KRT12: variants seen among roughly 807,000 people sequenced by gnomAD.
KRT12 encodes the protein keratin, type I cytoskeletal 12.
KRT12 carries 43 observed loss-of-function variants against 50.2 expected under a neutral mutation model. The ratio of observed to expected loss-of-function variants is 0.86; its 90% confidence interval spans 0.67 to 1.11. The LOEUF (loss-of-function observed/expected upper bound fraction) is 1.11, where lower values mean the gene tolerates loss of function less well. Among genes scored for constraint, KRT12 ranks in the 50% least tolerant of loss-of-function variants. The pLI is 0.00. For synonymous variants in KRT12, 257 were observed against 253.6 expected, an observed-to-expected ratio of 1.01 and a Z score of -0.13; for missense variants, 588 against 625.6, an observed-to-expected ratio of 0.94 and a Z score of 0.64.
chr17:40,864,830 G>A lies in KRT12; in HGVS notation c.783C>T (p.Ala261=). 6.2e-7 allele frequency: 1 copy of A among 1,614,156 alleles called. No individual in the cohort carries two copies. Among genetic ancestry groups the A allele is most frequent in the Non-Finnish European group, 8.5e-7 (1 of 1,180,038 alleles). ...MQIESLNEEL[A]YMKKNHEDEL... ...CATCCTCGTGGTTCTTCTTCATGTA[G>A]GCCAGCTCCTCGTTCAGGCTCTCGA... Residue 261 remains alanine, a synonymous_variant, in exon 3 of 8, where the codon GCC becomes GCT. Coordinates refer to ENST00000251643, the MANE Select transcript of KRT12 (RefSeq NM_000223.4).
rs1906857981 is a variant in KRT12 at position 40,863,012 on chromosome 17, CTTGTG to C, written c.1316+106_1316+110del. 5 of 928,006 alleles carry C rather than the reference CTTGTG, an allele frequency of 5.4e-6. No individual in the cohort carries two copies. Among genetic ancestry groups the C allele is most frequent in the South Asian group, 1.4e-5 (1 of 73,194 alleles). The allele number at this position is 928,006 out of a possible 1,614,324, so 57.5% of individuals were successfully genotyped here. ...AAATCCCAGGCATATCTTTACTAGA[CTTGTG>C]TTTGTTTGTTTGCTTTTCTGTCAAC... On this transcript the variant is annotated intron_variant, in intron 6 of 7. Coordinates refer to ENST00000251643, the MANE Select transcript of KRT12 (RefSeq NM_000223.4). This position sits in a 1 kb window ranked among gnomAD's most constrained non-coding sequence, Gnocchi z 4.2.
At position 40,863,710 on chromosome 17, in the gene KRT12, A is replaced by T. The variant is rs780659576; in HGVS notation, c.962T>A (p.Ile321Asn). The T allele has an allele frequency of 6.2e-7, 1 of 1,614,024 alleles. No individual in the cohort carries two copies. The highest frequency in any genetic ancestry group is 1.7e-5 in the Admixed American group (1 of 60,030). The change falls in exon 4 of 8, where the codon ATT becomes AAT. Residue 321 changes from isoleucine (I) to asparagine (N), a missense_variant. Transcript: ENST00000251643. The surrounding 1 kb of genome is among the most constrained non-coding windows in gnomAD (Gnocchi z 4.2). ...CTTTGTTGTTTGTGTTACCTTTTCA[A>T]TGAACCAGGCTTCAGCGTCCTTCCG... ...QNRKDAEAWF[I>N]EKSGELRKEI...
Position 40,867,074 on chromosome 17 carries a change from A to G in KRT12, c.113T>C (p.Val38Ala). Residue 38 changes from valine to alanine, a missense_variant, in exon 1 of 8, where the codon GTT (valine) becomes GCT (alanine). Val to Ala is a moderately conservative substitution (Grantham distance 64). Transcript: ENST00000251643. Reference sequence around the variant, plus strand: ...GGCACTTCCCCCATAACCACTTCCAACACTGGAAGCAGACATGCCCCTGGG... The same window carrying G: ...GGCACTTCCCCCATAACCACTTCCAGCACTGGAAGCAGACATGCCCCTGGG... The part of the protein sequence containing the change: ...GRPRGMSASS[V>A]GSGYGGSAFG... The G allele has an allele frequency of 6.2e-7, 1 of 1,613,402 alleles. No individual in the cohort carries two copies. The highest frequency in any genetic ancestry group is 8.5e-7 in the Non-Finnish European group (1 of 1,179,554).
intron 3 of KRT12, among the ~76,000 whole-genome samples, chr17:40,864,216 A>G (rs544356941): frequency 1.3e-5 from 2 of 152,172 alleles, no homozygotes; most frequent in African/African-American, 4.8e-5. Context: ...ACGTGAAAGG[A>G]GGCCTGGCGT....
Position 40,863,592 on chromosome 17 carries a change from C to A in KRT12, c.988G>T (p.Glu330Ter), listed in dbSNP as rs1341628230. 51 of 1,614,110 alleles carry A rather than the reference C, an allele frequency of 3.2e-5. No individual in the cohort carries two copies. The highest frequency in any genetic ancestry group is 4.2e-5 in the Non-Finnish European group (50 of 1,180,046). The change falls in exon 5 of 8, where the codon GAG (glutamate) becomes TAG (stop). Residue 330 changes from glutamate to a stop codon, truncating the protein, a stop_gained. Coordinates refer to ENST00000251643, the MANE Select transcript of KRT12 (RefSeq NM_000223.4). LOFTEE classifies it high-confidence loss of function. This position sits in a 1 kb window ranked among gnomAD's most constrained non-coding sequence, Gnocchi z 4.2. ...AGCTGCTCGGTGTTGGTGCTAATCT[C>A]CTTACGGAGCTCCCCGCTCTGCAAC... ...FIEKSGELRK[E>*]ISTNTEQLQS...
Position 40,866,782 on chromosome 17 carries a change from T to C in KRT12, c.405A>G (p.Arg135=), listed in dbSNP as rs61282718. 1 of 1,614,216 alleles carries C rather than the reference T, an allele frequency of 6.2e-7. No homozygotes were observed. Among genetic ancestry groups the C allele is most frequent in the African/African-American group, 1.3e-5 (1 of 75,044 alleles). Residue 135 remains arginine (R), a synonymous_variant, in exon 1 of 8, where the codon AGA becomes AGG. Coordinates refer to ENST00000251643, the MANE Select transcript of KRT12 (RefSeq NM_000223.4). ...EKETMQNLND[R]LASYLDKVRA... Reference sequence around the variant, plus strand: ...GCACCTTATCCAGGTAGGAAGCTAATCTATCATTAAGATTTTGCATAGTTT... The same window carrying C: ...GCACCTTATCCAGGTAGGAAGCTAACCTATCATTAAGATTTTGCATAGTTT...
chr17:40,864,055 T>A (rs979242275), intron 3 of KRT12, among the ~76,000 whole-genome samples, 191 bp from the exon 4 acceptor site: 6 of 148,670 alleles, frequency 4.0e-5, no homozygotes, highest in Admixed American at 3.3e-4. Flanking sequence ...ACATTAAAAC[T>A]TTTTTAACCT....
At position 40,864,907 on chromosome 17, in the gene KRT12, G is replaced by T; in HGVS notation, c.706C>A (p.Arg236Ser). The T allele has an allele frequency of 1.2e-6, 2 of 1,614,220 alleles. No homozygotes were observed. Among genetic ancestry groups the T allele is most frequent in the Non-Finnish European group, 1.7e-6 (2 of 1,180,028 alleles). ...AGGGTCAGCTCGTCCAGCACCCGGC[G>T]CAGGCCATTGATGTCGGCCTCTACG... is the stretch of plus-strand genomic sequence containing the variant. The part of the protein sequence containing the change: ...QGVEADINGL[R>S]RVLDELTLTR... The change falls in exon 3 of 8, where the codon CGC becomes AGC. Residue 236 changes from arginine to serine, a missense_variant. Physicochemically the swap from Arg to Ser is moderately radical, Grantham distance 110. Transcript: ENST00000251643.
Position 40,866,192 on chromosome 17 carries a change from C to G in KRT12, c.613G>C (p.Asp205His). The G allele has an allele frequency of 6.2e-7, 1 of 1,614,120 alleles. No homozygotes were observed. Among genetic ancestry groups the G allele is most frequent in the South Asian group, 1.1e-5 (1 of 91,076 alleles). ...TCCTCAGCAGCTAGTCTCGCATTGT[C>G]AATCTGCAAGAGGAGCTGGGCATTT... ...IGNAQLLLQI[D>H]NARLAAEDFR... Residue 205 changes from aspartate to histidine, a missense_variant, in exon 2 of 8, where the codon GAC becomes CAC. Asp to His is a moderately conservative substitution (Grantham distance 81). Transcript: ENST00000251643.
chr17:40,863,730 C>T lies in KRT12; in HGVS notation c.942G>A (p.Lys314=). 6.2e-7 allele frequency: 1 copy of T among 1,613,808 alleles called. No individual in the cohort carries two copies. Among genetic ancestry groups the T allele is most frequent in the Non-Finnish European group, 8.5e-7 (1 of 1,180,018 alleles). ...TTTCAATGAACCAGGCTTCAGCGTC[C>T]TTCCGATTCTGCTCAGCGATGGTTT... ...QYETIAEQNR[K]DAEAWFIEKS... Residue 314 remains lysine, a synonymous_variant, in exon 4 of 8, where the codon AAG becomes AAA. Coordinates refer to ENST00000251643, the MANE Select transcript of KRT12 (RefSeq NM_000223.4). This position sits in a 1 kb window ranked among gnomAD's most constrained non-coding sequence, Gnocchi z 4.2.
chr17:40,863,467 GT>G lies in KRT12; in HGVS notation c.1095+17del. The G allele has an allele frequency of 6.2e-7, 1 of 1,614,250 alleles. No homozygotes were observed. On this transcript the variant is annotated intron_variant, in intron 5 of 7. Coordinates refer to ENST00000251643, the MANE Select transcript of KRT12 (RefSeq NM_000223.4). This position sits in a 1 kb window ranked among gnomAD's most constrained non-coding sequence, Gnocchi z 4.2. ...TGGAAGTCCAAAGGATGCTACGTCT[GT>G]TTGCGCACGAGCCTACCATGGCGAG... is the stretch of plus-strand genomic sequence containing the variant.
rs1215046630 is a variant in KRT12 at position 40,863,840 on chromosome 17, C to T, written c.832G>A (p.Gly278Ser). The T allele has an allele frequency of 1.2e-6, 2 of 1,607,820 alleles. No homozygotes were observed. The highest frequency in any genetic ancestry group is 1.1e-5 in the South Asian group (1 of 90,834). ...EDELQSFRVGGPGEVSVEMDA... is the reference protein window; with the variant it reads ...EDELQSFRVGSPGEVSVEMDA... ...ATTTCTACGCTGACCTCGCCTGGGCCGCCCACCCGGAAGCTTTGGAGCTCC... is the reference window on the plus strand; with the variant it reads ...ATTTCTACGCTGACCTCGCCTGGGCTGCCCACCCGGAAGCTTTGGAGCTCC... Residue 278 changes from glycine to serine, a missense_variant, in exon 4 of 8, where the codon GGC becomes AGC. Physicochemically the swap from Gly to Ser is moderately conservative, Grantham distance 56. Coordinates refer to ENST00000251643, the MANE Select transcript of KRT12 (RefSeq NM_000223.4). The surrounding 1 kb of genome is among the most constrained non-coding windows in gnomAD (Gnocchi z 4.2).
Position 40,862,562 on chromosome 17 carries a change from T to C in KRT12, c.1387+3A>G. The C allele has an allele frequency of 1.2e-6, 2 of 1,607,436 alleles. No individual in the cohort carries two copies. Among genetic ancestry groups the C allele is most frequent in the Non-Finnish European group, 1.7e-6 (2 of 1,173,938 alleles). On this transcript the variant is annotated splice_donor_region_variant and intron_variant, in intron 7 of 7. Coordinates refer to ENST00000251643, the MANE Select transcript of KRT12 (RefSeq NM_000223.4). ...TCTAAGTGATTCTAGGGTTTCTGCATACCTTTAGAGGAATCAGTTGACTGT... is the reference window on the plus strand; with the variant it reads ...TCTAAGTGATTCTAGGGTTTCTGCACACCTTTAGAGGAATCAGTTGACTGT...
In KRT12 at chr17:40,862,653, A is replaced by G. The variant is rs1294066951; in HGVS notation, c.1317-18T>C. 3 of 1,583,656 alleles carry G rather than the reference A, an allele frequency of 1.9e-6. No individual in the cohort carries two copies. The highest frequency in any genetic ancestry group is 2.7e-5 in the African/African-American group (2 of 74,288). On this transcript the variant is annotated intron_variant, in intron 6 of 7. Coordinates refer to ENST00000251643, the MANE Select transcript of KRT12 (RefSeq NM_000223.4). Reference sequence around the variant, plus strand: ...AACCATCACTGTAAGAAAACAAAGGAGATGACCTCAAAAAGTGAAACAACC... The same window carrying G: ...AACCATCACTGTAAGAAAACAAAGGGGATGACCTCAAAAAGTGAAACAACC...
chr17:40,866,830 G>A lies in KRT12; in HGVS notation c.357C>T (p.Gly119=), dbSNP rs1372244788. 4 of 1,614,042 alleles carry A rather than the reference G, an allele frequency of 2.5e-6. No homozygotes were observed. The highest frequency in any genetic ancestry group is 1.7e-5 in the Admixed American group (1 of 60,010). Residue 119 remains glycine (G), a synonymous_variant, in exon 1 of 8, where the codon GGC becomes GGT. Coordinates refer to ENST00000251643, the MANE Select transcript of KRT12 (RefSeq NM_000223.4). ...TTTCTTTTTCTGATCCAGAAAGAAGGCCTCCATCATTGCCCGAGAGAATAC... is the reference window on the plus strand; with the variant it reads ...TTTCTTTTTCTGATCCAGAAAGAAGACCTCCATCATTGCCCGAGAGAATAC... ...SLGILSGNDG[G]LLSGSEKETM... is the part of the protein sequence containing the mutation.
In KRT12 at chr17:40,863,101, A is replaced by G. The variant is rs1906861013; in HGVS notation, c.1316+22T>C. On this transcript the variant is annotated intron_variant, in intron 6 of 7. Transcript: ENST00000251643. The surrounding 1 kb of genome is among the most constrained non-coding windows in gnomAD (Gnocchi z 4.2). ...TCTTGGTCAGCCCCTGAAGGTGTTTACAGCCTCCGTTGTCTGCTCACCCTT... is the reference window on the plus strand; with the variant it reads ...TCTTGGTCAGCCCCTGAAGGTGTTTGCAGCCTCCGTTGTCTGCTCACCCTT... 2 of 1,609,448 alleles carry G rather than the reference A, an allele frequency of 1.2e-6. No homozygotes were observed. The highest frequency in any genetic ancestry group is 1.7e-6 in the Non-Finnish European group (2 of 1,175,872).
In KRT12 at chr17:40,866,975, C is replaced by T. The variant is rs771841418; in HGVS notation, c.212G>A (p.Gly71Asp). The T allele has an allele frequency of 4.4e-6, 7 of 1,596,866 alleles. No homozygotes were observed. The African/African-American group carries it at 9.5e-5, about 22-fold the overall frequency. Residue 71 changes from glycine to aspartate, a missense_variant, in exon 1 of 8, where the codon GGT (glycine) becomes GAT (aspartate). By Grantham distance (94) the Gly-to-Asp change is moderately conservative (BLOSUM62 -1). Transcript: ENST00000251643. ...SMFGSSSGFG[G>D]GSGSSMAGGL... ...TCCTGCCATGGAACTTCCGGAGCCACCCCCAAAGCCGGAACTAGAACCAAA... is the reference window on the plus strand; with the variant it reads ...TCCTGCCATGGAACTTCCGGAGCCATCCCCAAAGCCGGAACTAGAACCAAA...
Position 40,863,772 on chromosome 17 carries a change from ATCAT to A in KRT12, c.896_899del (p.Asn299IlefsTer66). 1.9e-6 allele frequency: 3 copies of A among 1,613,004 alleles called. No individual in the cohort carries two copies. Among genetic ancestry groups the A allele is most frequent in the Non-Finnish European group, 2.5e-6 (3 of 1,180,000 alleles). On this transcript the variant is annotated frameshift_variant, in exon 4 of 8. Transcript: ENST00000251643. LOFTEE classifies it high-confidence loss of function. This position sits in a 1 kb window ranked among gnomAD's most constrained non-coding sequence, Gnocchi z 4.2. Reference sequence around the variant, plus strand: ...CGATGGTTTCATACTGCGCCCGCATATCATTGAGGAGCCTGGTGAGGTCCACTCC... The same window carrying A: ...CGATGGTTTCATACTGCGCCCGCATATGAGGAGCCTGGTGAGGTCCACTCC...
At chr17:40,864,569 T>A (rs1368771538) in intron 3 of KRT12, among the ~76,000 whole-genome samples, 3 of 152,130 alleles carry the variant, frequency 2.0e-5, no homozygotes, top group Non-Finnish European at 4.4e-5. Context: ...AATCAGAAAG[T>A]GCCTCAAATT....
Sources: allele counts gnomAD v4.1 joint callset (sites outside exome capture counted in the v4.1 genomes callset), GRCh38; gene constraint gnomAD v4.1.1; non-coding constraint Gnocchi (gnomAD v3.1); transcripts MANE v1.5; gene names NCBI Gene and HGNC (gene_info 2026-07-23, HGNC 2026-07-21).